CCDC93: variants seen among roughly 807,000 people sequenced by gnomAD.
The protein encoded by CCDC93 is coiled-coil domain-containing protein 93.
In CCDC93, 61 loss-of-function variants were observed where a neutral mutation model predicts 108.2. The ratio of observed to expected loss-of-function variants is 0.56; its 90% CI spans 0.46 to 0.70. The LOEUF is 0.70. CCDC93 is among the 30% of genes least tolerant of loss of function. The pLI is 0.00. For missense variants in CCDC93, 685 were observed against 764.2 expected, an observed-to-expected ratio of 0.90 and a Z score of 1.22; for synonymous variants, 276 against 260.4, an observed-to-expected ratio of 1.06 and a Z score of -0.58.
At chr2:117,960,707 T>C (rs746717265) in intron 11 of CCDC93, among the ~76,000 whole-genome samples, 4 of 152,210 alleles carry the variant, frequency 2.6e-5, no homozygotes, top group Non-Finnish European at 4.4e-5. Context: ...AGTCTCAATT[T>C]TGAGCCACAT....
At position 117,952,432 on chromosome 2, in the gene CCDC93, G is replaced by C. The variant is rs368763445; in HGVS notation, c.1009C>G (p.Arg337Gly). ...GCTTGTAGGCTGGTGTGACTTGCTCGCAGCTGTAAATGAAAGATAAAAGAC... is the reference window on the plus strand; with the variant it reads ...GCTTGTAGGCTGGTGTGACTTGCTCCCAGCTGTAAATGAAAGATAAAAGAC... ...AQKTKHLEELRASHTSLQARY... is the reference protein window; with the variant it reads ...AQKTKHLEELGASHTSLQARY... Residue 337 changes from arginine to glycine, a missense_variant, in exon 13 of 24, where the codon CGA becomes GGA. Transcript: ENST00000376300. 6.2e-7 allele frequency: 1 copy of C among 1,610,694 alleles called. No homozygotes were observed. The highest frequency in any genetic ancestry group is 1.1e-5 in the South Asian group (1 of 91,006).
chr2:117,935,413 C>T, intron 22 of CCDC93, 82 bp downstream of exon 22: 1 of 986,878 alleles, frequency 1.0e-6, no homozygotes, highest in Non-Finnish European at 1.6e-6. Flanking sequence ...CCCCAACTAC[C>T]AGAAGAGGCC....
At chr2:117,969,874 C>T (rs1157641142) in intron 11 of CCDC93, among the ~76,000 whole-genome samples, 6 of 152,164 alleles carry the variant, frequency 3.9e-5, no homozygotes, top group Admixed American at 3.3e-4. Context: ...TTCCTTACAG[C>T]ATCGAACCCA....
intron 1 of CCDC93, among the ~76,000 whole-genome samples, chr2:118,011,704 A>T (rs1395657474): frequency 1.3e-5 from 2 of 152,184 alleles, no homozygotes; most frequent in African/African-American, 4.8e-5. Context: ...TCACTGCCTC[A>T]ACACCTATCT....
Position 118,005,532 on chromosome 2 carries a change from G to A in CCDC93, c.251+1190C>T, listed in dbSNP as rs374256482. 7.9e-5 allele frequency among the ~76,000 whole-genome samples: 12 copies of A among 152,260 alleles called. No individual in the cohort carries two copies. The East Asian group carries it at 2.3e-3, about 29-fold the overall frequency. ...TAATCCCAGGAGGCCAAGGCGAGAG[G>A]ATTGCCTGAGCCCAGGAGTTTTAAG... is the stretch of plus-strand genomic sequence containing the variant. On this transcript the variant is annotated intron_variant, in intron 3 of 23. Coordinates refer to ENST00000376300, the MANE Select transcript of CCDC93 (RefSeq NM_019044.5).
intron 11 of CCDC93, among the ~76,000 whole-genome samples, chr2:117,969,912 C>A (rs1310782184): frequency 6.6e-6 from 1 of 152,148 alleles, no homozygotes; most frequent in Non-Finnish European, 1.5e-5. Flanking sequence ...CTTGAACCCT[C>A]CTTCAAGTCA....
intron 12 of CCDC93, among the ~76,000 whole-genome samples, chr2:117,955,564 T>C (rs79172596): frequency 0.073 from 11,131 of 152,294 alleles, 532 homozygotes; most frequent in Admixed American, 0.11. Flanking sequence ...GGTAGATTTA[T>C]TTGCTTAAAT....
intron 21 of CCDC93, 97 bp downstream of exon 21, chr2:117,936,605 G>A: frequency 1.0e-6 from 1 of 957,796 alleles, no homozygotes; most frequent in Non-Finnish European, 1.7e-6. Flanking sequence ...AGTCTTGCAT[G>A]TACCTTTGTC....
chr2:117,966,268 TGACA>T (rs1221944865), intron 11 of CCDC93, among the ~76,000 whole-genome samples: 1 of 152,222 alleles, frequency 6.6e-6, no homozygotes, highest in Non-Finnish European at 1.5e-5. Context: ...ACCTAAGCCA[TGACA>T]GACAGAGGAC....
At chr2:117,967,314 T>C (rs1383741433) in intron 11 of CCDC93, among the ~76,000 whole-genome samples, 3 of 152,218 alleles carry the variant, frequency 2.0e-5, no homozygotes, top group African/African-American at 7.2e-5. Context: ...TTTAAAGGAC[T>C]GCATGAGACC....
In CCDC93 at chr2:117,932,613, C is replaced by A. The variant is rs77466732; in HGVS notation, c.1729-1463G>T. Among the ~76,000 whole-genome samples, 477 of 152,290 alleles carry A rather than the reference C, an allele frequency of 3.1e-3. 5 individuals carry two copies. Among genetic ancestry groups the A allele is most frequent in the African/African-American group, 0.011 (456 of 41,570 alleles). On this transcript the variant is annotated intron_variant, in intron 22 of 23. Coordinates refer to ENST00000376300, the MANE Select transcript of CCDC93 (RefSeq NM_019044.5). Reference sequence around the variant, plus strand: ...CCCATGCTAGGTCTCCAGTTTGGTGCCCTCCCTTGTGCCTAGGTCTCCCAG... The same window carrying A: ...CCCATGCTAGGTCTCCAGTTTGGTGACCTCCCTTGTGCCTAGGTCTCCCAG...
intron 8 of CCDC93, among the ~76,000 whole-genome samples, chr2:117,976,999 G>A (rs888845138): frequency 2.0e-5 from 3 of 149,680 alleles, no homozygotes; most frequent in Admixed American, 6.7e-5. Flanking sequence ...GCAGTGGCGC[G>A]ATCTTGGCTC....
chr2:117,981,658 A>G (rs1436641226), intron 7 of CCDC93, among the ~76,000 whole-genome samples: 1 of 152,242 alleles, frequency 6.6e-6, no homozygotes, highest in Non-Finnish European at 1.5e-5. Context: ...CAATTTTTTA[A>G]TTACTAGGTT....
intron 23 of CCDC93, among the ~76,000 whole-genome samples, chr2:117,924,499 C>T (rs1040880478): frequency 4.6e-5 from 7 of 152,170 alleles, no homozygotes; most frequent in Admixed American, 6.5e-5. Context: ...CCTCAGTAGC[C>T]GATTTGATCA....
At chr2:117,958,578 C>G (rs1679291163) in intron 11 of CCDC93, 97 bp from the exon 12 acceptor site, 3 of 758,364 alleles carry the variant, frequency 4.0e-6, no homozygotes, top group Non-Finnish European at 7.1e-6. Flanking sequence ...CAGTACTGGG[C>G]AGCCAGTCAC....
At position 118,009,020 on chromosome 2, in the gene CCDC93, T is replaced by C. The variant is rs114871818; in HGVS notation, c.43-362A>G. ...ACTTTGACAGTCTTCTCAAATGGAT[T>C]ATGACTCCTTACAAACAGGAACAAG... On this transcript the variant is annotated intron_variant, in intron 1 of 23. Transcript: ENST00000376300. The C allele has an allele frequency of 2.9e-3, 489 of 171,140 alleles. 5 individuals are homozygous for C. The highest frequency in any genetic ancestry group is 0.011 in the African/African-American group (465 of 42,136). 10.6% of individuals were successfully genotyped at this position (171,140 alleles called of 1,614,324 possible). A position where few individuals can be genotyped will look rare whatever the true frequency, so the allele number is the denominator to read the frequency against.
chr2:117,930,942 A>G, intron 23 of CCDC93, 95 bp downstream of exon 23: 2 of 746,720 alleles, frequency 2.7e-6, no homozygotes, highest in South Asian at 3.6e-5. Flanking sequence ...CACAGACCAG[A>G]GGAAAACCAA....
chr2:117,956,797 G>C (rs1175944609), intron 12 of CCDC93, among the ~76,000 whole-genome samples: 3 of 151,988 alleles, frequency 2.0e-5, no homozygotes, highest in African/African-American at 7.2e-5. Context: ...TTCAAATAAA[G>C]AAATGATTGG....
chr2:117,924,241 C>T (rs1299321402), intron 23 of CCDC93, among the ~76,000 whole-genome samples: 7 of 152,188 alleles, frequency 4.6e-5, no homozygotes, highest in East Asian at 1.9e-4. Context: ...TCCAAAGGAA[C>T]GCAGCTCCTC....
Sources: allele counts gnomAD v4.1 joint callset (sites outside exome capture counted in the v4.1 genomes callset), GRCh38; gene constraint gnomAD v4.1.1; transcripts MANE v1.5; gene names NCBI Gene and HGNC (gene_info 2026-07-23, HGNC 2026-07-21).